Variants in RALYL observed in about 807,000 individuals in gnomAD.
RALYL encodes the protein RALY RNA binding protein like.
RALYL carries 29 observed loss-of-function variants against 35.1 expected under a neutral mutation model. The ratio of observed to expected loss-of-function variants is 0.83; its 90% CI spans 0.61 to 1.13. The LOEUF (loss-of-function observed/expected upper bound fraction) is 1.13, where lower values mean the gene tolerates loss of function less well. RALYL is among the 50% of genes most tolerant of loss of function. The pLI, the probability that RALYL is intolerant of heterozygous loss-of-function variation, is 0.00. For missense variants in RALYL, 359 were observed against 360.4 expected, an observed-to-expected ratio of 1.00 and a Z score of 0.03; for synonymous variants, 120 against 127.6, an observed-to-expected ratio of 0.94 and a Z score of 0.40.
At chr8:84,524,799 C>T (rs2058746202) in intron 1 of RALYL, among the ~76,000 whole-genome samples, 1 of 151,972 alleles carries the variant, frequency 6.6e-6, no homozygotes, top group Non-Finnish European at 1.5e-5. Context: ...GGAATGAACC[C>T]TTAATCTTTT....
chr8:84,443,217 T>A (rs2048514486), intron 1 of RALYL, among the ~76,000 whole-genome samples: 2 of 152,136 alleles, frequency 1.3e-5, no homozygotes, highest in African/African-American at 4.8e-5. Flanking sequence ...ACATGGGAAG[T>A]AAACGGTACC....
At chr8:84,256,127 G>C (rs759697685) in intron 1 of RALYL, among the ~76,000 whole-genome samples, 3 of 152,220 alleles carry the variant, frequency 2.0e-5, no homozygotes, top group East Asian at 3.9e-4. Flanking sequence ...GGTTGGGAAG[G>C]GTTATATGTG....
At chr8:84,556,076 C>T (rs1004608841) in intron 2 of RALYL, among the ~76,000 whole-genome samples, 5 of 152,166 alleles carry the variant, frequency 3.3e-5, no homozygotes, top group Admixed American at 1.3e-4. Flanking sequence ...TGTACATTTG[C>T]AGGAACAGTG....
At chr8:84,308,017 G>A (rs770805089) in intron 1 of RALYL, among the ~76,000 whole-genome samples, 2 of 149,608 alleles carry the variant, frequency 1.3e-5, no homozygotes, top group Non-Finnish European at 3.0e-5. Context: ...GCTCAAAACC[G>A]TAGGTCAGAA....
At chr8:84,784,069 C>T (rs936724634) in intron 3 of RALYL, among the ~76,000 whole-genome samples, 1 of 151,848 alleles carries the variant, frequency 6.6e-6, no homozygotes, top group African/African-American at 2.4e-5. Flanking sequence ...GGACTGACTA[C>T]TGAAGATTGA....
chr8:84,349,184 C>A (rs913679015), intron 1 of RALYL, among the ~76,000 whole-genome samples: 1 of 150,182 alleles, frequency 6.7e-6, no homozygotes, highest in Non-Finnish European at 1.5e-5. Context: ...CTAGAACCAA[C>A]ATTTAAAACC....
chr8:84,322,475 A>G (rs140794400), intron 1 of RALYL, among the ~76,000 whole-genome samples: 86 of 152,232 alleles, frequency 5.6e-4, no homozygotes, highest in Non-Finnish European at 9.0e-4. Flanking sequence ...ACATGACTTG[A>G]TTTAATCATC....
chr8:84,250,143 CAG>C (rs1425789659), intron 1 of RALYL, among the ~76,000 whole-genome samples: 4 of 151,844 alleles, frequency 2.6e-5, no homozygotes, highest in Admixed American at 6.6e-5. Flanking sequence ...TTTAGGGAAA[CAG>C]AGGCTTCATA....
At chr8:84,491,642 G>T (rs995612961) in intron 1 of RALYL, among the ~76,000 whole-genome samples, 1 of 151,958 alleles carries the variant, frequency 6.6e-6, no homozygotes, top group Non-Finnish European at 1.5e-5. Flanking sequence ...GAAAACAAAA[G>T]AAGGAAGCTC....
intron 2 of RALYL, among the ~76,000 whole-genome samples, chr8:84,632,205 G>A (rs1824065048): frequency 6.6e-6 from 1 of 151,850 alleles, no homozygotes; most frequent in Admixed American, 6.6e-5. Flanking sequence ...ATCTGCCAGT[G>A]GCTTGACTTG....
At position 84,407,066 on chromosome 8, in the gene RALYL, ACAAAC is replaced by A. The variant is rs1563867467; in HGVS notation, c.-23-122232_-23-122228del. Among the ~76,000 whole-genome samples, 103 of 148,376 alleles carry A rather than the reference ACAAAC, an allele frequency of 6.9e-4. 1 individual carries two copies. Among genetic ancestry groups the A allele is most frequent in the Admixed American group, 2.9e-3 (43 of 14,928 alleles). On this transcript the variant is annotated intron_variant, in intron 1 of 8. Coordinates refer to ENST00000521268, the MANE Select transcript of RALYL (RefSeq NM_173848.7). ...CACACACTCACACACACACACACAC[ACAAAC>A]ACACACACACACACAAGAATATATT...
chr8:84,584,117 T>G (rs1371639907), intron 2 of RALYL, among the ~76,000 whole-genome samples: 1 of 152,168 alleles, frequency 6.6e-6, no homozygotes, highest in Non-Finnish European at 1.5e-5. Flanking sequence ...AATTATACCC[T>G]TTTAGTTATT....
intron 3 of RALYL, among the ~76,000 whole-genome samples, chr8:84,799,101 C>A (rs781045115): frequency 6.6e-6 from 1 of 152,172 alleles, no homozygotes; most frequent in East Asian, 1.9e-4. Context: ...AGGGAAGGTT[C>A]ATCTAACACA....
At chr8:84,557,689 C>G (rs2061221878) in intron 2 of RALYL, among the ~76,000 whole-genome samples, 1 of 151,898 alleles carries the variant, frequency 6.6e-6, no homozygotes, top group Non-Finnish European at 1.5e-5. Context: ...GCACTATTTA[C>G]TATATTTACT....
intron 2 of RALYL, among the ~76,000 whole-genome samples, chr8:84,613,986 T>C (rs1588510848): frequency 6.6e-6 from 1 of 150,946 alleles, no homozygotes; most frequent in South Asian, 2.1e-4. Context: ...AGTCAAGGGG[T>C]CTTCTCTTCC....
chr8:84,390,955 G>T (rs1441459367), intron 1 of RALYL, among the ~76,000 whole-genome samples: 1 of 151,954 alleles, frequency 6.6e-6, no homozygotes, highest in Non-Finnish European at 1.5e-5. Flanking sequence ...CCAAACTTTA[G>T]GGGCCACATG....
chr8:84,250,189 C>A (rs533562408), intron 1 of RALYL, among the ~76,000 whole-genome samples: 1 of 151,894 alleles, frequency 6.6e-6, no homozygotes, highest in South Asian at 2.1e-4. Context: ...CGTCAAACAG[C>A]GGTTCACAAT....
chr8:84,907,123 T>C (rs1846632372), intron 8 of RALYL: 1 of 232,936 alleles, frequency 4.3e-6, no homozygotes, highest in South Asian at 1.5e-4. Flanking sequence ...TTTAATAATA[T>C]TAAGTAACAT....
chr8:84,431,732 T>C (rs2047169600), intron 1 of RALYL, among the ~76,000 whole-genome samples: 1 of 152,172 alleles, frequency 6.6e-6, no homozygotes, highest in South Asian at 2.1e-4. Flanking sequence ...CAGGATTTCC[T>C]TTTTCTGTGG....
Sources: allele counts gnomAD v4.1 joint callset (sites outside exome capture counted in the v4.1 genomes callset), GRCh38; gene constraint gnomAD v4.1.1; transcripts MANE v1.5; gene names NCBI Gene and HGNC (gene_info 2026-07-23, HGNC 2026-07-21).